The following ITFG1 variants were observed in gnomAD, a reference collection of about 807,000 sequenced individuals.
ITFG1 encodes the protein T-cell immunomodulatory protein.
Under a neutral mutation model 81.8 loss-of-function variants are expected in ITFG1, and 34 were observed. That is an observed-to-expected ratio of 0.42 (90% CI 0.32 to 0.55). The LOEUF is 0.55. Among genes scored for constraint, ITFG1 ranks in the 20% least tolerant of loss-of-function variants. The pLI, the probability that ITFG1 is intolerant of heterozygous loss-of-function variation, is 0.17. For synonymous variants in ITFG1, 285 were observed against 270.6 expected (o/e 1.05, Z -0.52); for missense variants, 672 against 755.4 (o/e 0.89, Z 1.29).
intron 13 of ITFG1, among the ~76,000 whole-genome samples, chr16:47,221,343 A>G (rs537172325): frequency 5.3e-5 from 8 of 152,246 alleles, no homozygotes; most frequent in Non-Finnish European, 1.2e-4. Context: ...TGAGATAATC[A>G]TGTGGTTTTT....
chr16:47,234,000 C>G (rs934111121), intron 13 of ITFG1, among the ~76,000 whole-genome samples: 1 of 152,168 alleles, frequency 6.6e-6, no homozygotes, highest in African/African-American at 2.4e-5. Flanking sequence ...GTATATACAG[C>G]CTAATTCCCA....
At chr16:47,442,220 AG>A (rs1372756412) in intron 5 of ITFG1, among the ~76,000 whole-genome samples, 2 of 152,238 alleles carry the variant, frequency 1.3e-5, no homozygotes, top group African/African-American at 4.8e-5. Flanking sequence ...GCGCATGGGT[AG>A]GAACAATCAA....
At chr16:47,196,253 G>A (rs1178607657) in intron 14 of ITFG1, 3 of 149,316 alleles carry the variant, frequency 2.0e-5, no homozygotes, top group East Asian at 2.0e-4. Flanking sequence ...TGAGCAACCC[G>A]AACCTGTGGT....
chr16:47,236,189 T>C (rs1351478847), intron 13 of ITFG1, among the ~76,000 whole-genome samples: 1 of 152,142 alleles, frequency 6.6e-6, no homozygotes, highest in East Asian at 1.9e-4. Flanking sequence ...AAGTGTCACC[T>C]ACCTGGCCAG....
chr16:47,352,878 A>G (rs1234909096), intron 8 of ITFG1, among the ~76,000 whole-genome samples: 1 of 152,250 alleles, frequency 6.6e-6, no homozygotes, highest in Non-Finnish European at 1.5e-5. Flanking sequence ...CTATGCAGCC[A>G]TAAAAAATGA....
At chr16:47,203,698 G>A (rs118038478) in intron 14 of ITFG1, among the ~76,000 whole-genome samples, 8,102 of 152,284 alleles carry the variant, frequency 0.053, 306 homozygotes, top group Non-Finnish European at 0.077. Flanking sequence ...GGGAGCAGCT[G>A]TAAATACAGA....
At chr16:47,275,513 G>C (rs1348085914) in intron 10 of ITFG1, among the ~76,000 whole-genome samples, 1 of 152,114 alleles carries the variant, frequency 6.6e-6, no homozygotes, top group East Asian at 1.9e-4. Context: ...AATCCACACA[G>C]ATTTAACGTT....
intron 14 of ITFG1, among the ~76,000 whole-genome samples, chr16:47,169,719 G>C (rs1964935350): frequency 6.6e-6 from 1 of 152,098 alleles, no homozygotes; most frequent in African/African-American, 2.4e-5. Flanking sequence ...CCAGTAAAAA[G>C]GTGAATAGCA....
intron 6 of ITFG1, among the ~76,000 whole-genome samples, chr16:47,391,250 T>C (rs1202351286): frequency 3.3e-5 from 5 of 152,212 alleles, no homozygotes; most frequent in Non-Finnish European, 5.9e-5. Context: ...AAGGCACTTA[T>C]ACACAGTGTA....
At chr16:47,390,616 C>T (rs530457369) in intron 6 of ITFG1, among the ~76,000 whole-genome samples, 64 of 152,166 alleles carry the variant, frequency 4.2e-4, no homozygotes, top group African/African-American at 1.3e-3. Flanking sequence ...CCCGCCACCA[C>T]GCCCGGCTAA....
At position 47,332,124 on chromosome 16, in the gene ITFG1, G is replaced by A. The variant is rs566842974; in HGVS notation, c.803-18301C>T. On this transcript the variant is annotated intron_variant, in intron 8 of 17. Transcript: ENST00000320640. Reference sequence around the variant, plus strand: ...TTTCACAAGTAGCTGTGAACTTTTTGCCAGAAGGGTAGAGGTGGTGTAACT... The same window carrying A: ...TTTCACAAGTAGCTGTGAACTTTTTACCAGAAGGGTAGAGGTGGTGTAACT... 3.3e-5 allele frequency among the ~76,000 whole-genome samples: 5 copies of A among 151,998 alleles called. No homozygotes were observed. The South Asian group carries it at 1.0e-3, about 32-fold the overall frequency.
At chr16:47,266,995 C>T (rs565458504) in intron 10 of ITFG1, among the ~76,000 whole-genome samples, 3 of 151,876 alleles carry the variant, frequency 2.0e-5, no homozygotes, top group African/African-American at 4.8e-5. Flanking sequence ...AAATCTATAG[C>T]GATGGAAAGT....
chr16:47,421,825 C>A (rs530287574), intron 6 of ITFG1, among the ~76,000 whole-genome samples: 4 of 152,120 alleles, frequency 2.6e-5, no homozygotes, highest in Non-Finnish European at 4.4e-5. Context: ...CTATACCTCC[C>A]ACAGTCCCCC....
chr16:47,444,330 T>C (rs142385653), intron 5 of ITFG1, among the ~76,000 whole-genome samples: 199 of 152,328 alleles, frequency 1.3e-3, no homozygotes, highest in Non-Finnish European at 2.4e-3. Context: ...AAATAATTTA[T>C]GTTACAAGAA....
At chr16:47,177,577 C>T (rs773996301) in intron 14 of ITFG1, among the ~76,000 whole-genome samples, 4 of 152,048 alleles carry the variant, frequency 2.6e-5, no homozygotes, top group Non-Finnish European at 5.9e-5. Flanking sequence ...ATGTTAAATG[C>T]CGCATATACA....
chr16:47,420,332 T>TTTG (rs1968929188), intron 6 of ITFG1, among the ~76,000 whole-genome samples: 1 of 152,218 alleles, frequency 6.6e-6, no homozygotes, highest in Non-Finnish European at 1.5e-5. Flanking sequence ...GATAAAATGT[T>TTTG]TTGTAAATGT....
At chr16:47,428,990 T>G in intron 5 of ITFG1, 92 bp from the exon 6 acceptor site, 1 of 724,456 alleles carries the variant, frequency 1.4e-6, no homozygotes, top group South Asian at 1.8e-5. Flanking sequence ...ACACTTAAAT[T>G]TATTTATTTT....
intron 11 of ITFG1, among the ~76,000 whole-genome samples, chr16:47,259,734 C>T (rs1386017431): frequency 1.3e-5 from 2 of 152,022 alleles, no homozygotes; most frequent in African/African-American, 2.4e-5. Flanking sequence ...TATTATTTTT[C>T]AGAGCGGTAA....
At chr16:47,444,930 G>A (rs1969303811) in intron 5 of ITFG1, among the ~76,000 whole-genome samples, 1 of 151,604 alleles carries the variant, frequency 6.6e-6, no homozygotes, top group Non-Finnish European at 1.5e-5. Flanking sequence ...CTCTCCCAAG[G>A]GTCTCTCTCA....
Sources: gnomAD v4.1 joint callset for allele counts (sites outside exome capture counted in the v4.1 genomes callset) on GRCh38, gnomAD v4.1.1 for gene constraint, MANE v1.5 for transcripts, NCBI Gene and HGNC (gene_info 2026-07-23, HGNC 2026-07-21) for gene names.